The following ATP6V1A variants were observed in gnomAD, a reference collection of about 807,000 sequenced individuals.
The protein encoded by ATP6V1A is ATPase H+ transporting V1 subunit A.
A neutral mutation model predicts 70.1 loss-of-function variants in ATP6V1A; 18 were observed. The observed-to-expected ratio is 0.26, with a 90% CI of 0.18 to 0.38. The LOEUF is 0.38. ATP6V1A is among the 10% of genes least tolerant of loss of function. The pLI is 1.00. For missense variants in ATP6V1A, 424 were observed against 772.4 expected (o/e 0.55, Z 5.35); for synonymous variants, 232 against 253.8 (o/e 0.91, Z 0.82).
rs987781968 is a variant in ATP6V1A, at chr3:113,785,506, C to CTTT, written c.564+691_564+693dup. Among the ~76,000 whole-genome samples, 65 of 107,162 alleles carry CTTT rather than the reference C, an allele frequency of 6.1e-4. 1 individual carries two copies. The highest frequency in any genetic ancestry group is 7.4e-4 in the Non-Finnish European group (40 of 54,242). 70.3% of individuals were successfully genotyped at this position (107,162 alleles called of 152,430 possible). A position where few individuals can be genotyped will look rare whatever the true frequency, so the allele number is the denominator to read the frequency against. ...TATTTGAATTCTCTTTTTTTCTTTT[C>CTTT]TTTTTTTTTTTTTTTTTTTTGAGAC... On this transcript the variant is annotated intron_variant, in intron 5 of 14. Coordinates refer to ENST00000273398, the MANE Select transcript of ATP6V1A (RefSeq NM_001690.4).
chr3:113,784,902 G>T, intron 5 of ATP6V1A, 69 bp downstream of exon 5: 1 of 1,449,028 alleles, frequency 6.9e-7, no homozygotes. Flanking sequence ...CAGTTTTAGT[G>T]CCCTAAGTAA....
intron 1 of ATP6V1A, among the ~76,000 whole-genome samples, chr3:113,761,627 T>C (rs1413131198): frequency 6.7e-6 from 1 of 150,288 alleles, no homozygotes; most frequent in Non-Finnish European, 1.5e-5. Context: ...TCGCAGCTAC[T>C]CTGGAGGCCG....
At chr3:113,758,485 A>AG (rs35210744) in intron 1 of ATP6V1A, among the ~76,000 whole-genome samples, 55,079 of 151,938 alleles carry the variant, frequency 0.36, 10,050 homozygotes, top group African/African-American at 0.41. Context: ...CTATCATTAT[A>AG]GTTAGTTTGC....
intron 1 of ATP6V1A, among the ~76,000 whole-genome samples, chr3:113,766,884 GT>G (rs1421261953): frequency 5.3e-5 from 8 of 152,090 alleles, no homozygotes; most frequent in Admixed American, 1.3e-4. Context: ...GAAGTAAGGT[GT>G]TTTGAATTAT....
intron 13 of ATP6V1A, among the ~76,000 whole-genome samples, chr3:113,804,157 ATT>A (rs761414902): frequency 5.0e-5 from 7 of 140,930 alleles, no homozygotes; most frequent in Non-Finnish European, 6.2e-5. Context: ...TGCCCAGCTA[ATT>A]TTTTTTTTTT....
intron 6 of ATP6V1A, among the ~76,000 whole-genome samples, chr3:113,787,370 T>C (rs1422118041): frequency 6.6e-6 from 1 of 152,224 alleles, no homozygotes; most frequent in Non-Finnish European, 1.5e-5. Context: ...ATGCTGGATC[T>C]ACTTCTAGAT....
chr3:113,757,784 C>G (rs1214758720), intron 1 of ATP6V1A, among the ~76,000 whole-genome samples: 6 of 152,168 alleles, frequency 3.9e-5, no homozygotes, highest in Non-Finnish European at 8.8e-5. Context: ...CATCTGTTGC[C>G]CCTATGCTGT....
At chr3:113,789,454 G>A (rs1326110369) in intron 7 of ATP6V1A, among the ~76,000 whole-genome samples, 1 of 152,086 alleles carries the variant, frequency 6.6e-6, no homozygotes. Context: ...ATTTATAGAT[G>A]TGAACTTTAT....
intron 5 of ATP6V1A, among the ~76,000 whole-genome samples, chr3:113,785,300 C>T (rs1485849235): frequency 8.6e-5 from 13 of 151,994 alleles, no homozygotes; most frequent in African/African-American, 2.9e-4. Context: ...ATTAGCCAGG[C>T]GTGGTGGCGC....
chr3:113,748,325 G>A (rs921153485), intron 1 of ATP6V1A, among the ~76,000 whole-genome samples: 1 of 152,172 alleles, frequency 6.6e-6, no homozygotes, highest in African/African-American at 2.4e-5. Flanking sequence ...TCAGTTTGTG[G>A]TTAAACTCTT....
At chr3:113,781,883 G>A (rs1269580886) in intron 3 of ATP6V1A, among the ~76,000 whole-genome samples, 1 of 151,980 alleles carries the variant, frequency 6.6e-6, no homozygotes, top group African/African-American at 2.4e-5. Context: ...CAAATAAAAC[G>A]GTCACCATTC....
At chr3:113,748,179 T>C (rs982533231) in intron 1 of ATP6V1A, among the ~76,000 whole-genome samples, 6 of 152,346 alleles carry the variant, frequency 3.9e-5, no homozygotes, top group East Asian at 3.9e-4. Context: ...TGATGAATAG[T>C]ATTTTGTGAA....
At chr3:113,770,044 T>G (rs1708817430) in intron 1 of ATP6V1A, among the ~76,000 whole-genome samples, 1 of 151,576 alleles carries the variant, frequency 6.6e-6, no homozygotes, top group South Asian at 2.1e-4. Flanking sequence ...TTTATTTATT[T>G]ATTTATTTAT....
At chr3:113,776,032 T>G (rs1708908361) in intron 1 of ATP6V1A, among the ~76,000 whole-genome samples, 1 of 152,166 alleles carries the variant, frequency 6.6e-6, no homozygotes, top group Non-Finnish European at 1.5e-5. Context: ...TCTTAATGGC[T>G]TCTTCTACTG....
intron 12 of ATP6V1A, among the ~76,000 whole-genome samples, chr3:113,800,975 C>T (rs1171064784): frequency 2.0e-5 from 3 of 151,844 alleles, no homozygotes; most frequent in African/African-American, 4.8e-5. Context: ...GGCAACATGA[C>T]GAGACCTTGT....
chr3:113,793,355 G>T (rs985939691), intron 8 of ATP6V1A, among the ~76,000 whole-genome samples: 5 of 152,130 alleles, frequency 3.3e-5, no homozygotes, highest in Non-Finnish European at 7.4e-5. Flanking sequence ...GAGCCACCGC[G>T]CCTGGCCAGA....
intron 1 of ATP6V1A, among the ~76,000 whole-genome samples, chr3:113,748,777 C>G (rs1708552107): frequency 6.6e-6 from 1 of 152,178 alleles, no homozygotes; most frequent in South Asian, 2.1e-4. Context: ...GTGGATTTAC[C>G]ATTTTAGCAT....
In ATP6V1A at chr3:113,773,057, C is replaced by A. The variant is rs530670579; in HGVS notation, c.-13-5684C>A. The stretch of plus-strand genomic sequence containing the variant: ...GGTTCAAGCACTTCTCCTGCCTCAG[C>A]CTCCTGAGTAGTTGGGATTACAGGT... On this transcript the variant is annotated intron_variant, in intron 1 of 14. Transcript: ENST00000273398. 2.7e-5 allele frequency among the ~76,000 whole-genome samples: 4 copies of A among 150,572 alleles called. No homozygotes were observed. The East Asian group carries it at 8.0e-4, about 30-fold the overall frequency.
chr3:113,762,738 A>G (rs1326988288), intron 1 of ATP6V1A, among the ~76,000 whole-genome samples: 1 of 152,182 alleles, frequency 6.6e-6, no homozygotes, highest in Non-Finnish European at 1.5e-5. Flanking sequence ...ATTTAACATA[A>G]GAAATTTCAT....
Sources: gnomAD v4.1 joint callset for allele counts (sites outside exome capture counted in the v4.1 genomes callset) on GRCh38, gnomAD v4.1.1 for gene constraint, MANE v1.5 for transcripts, NCBI Gene and HGNC (gene_info 2026-07-23, HGNC 2026-07-21) for gene names.